Variants in GRM5 observed in about 807,000 individuals in gnomAD.
GRM5 encodes glutamate metabotropic receptor 5.
GRM5 carries 19 observed loss-of-function variants against 83.1 expected under a neutral mutation model. The observed-to-expected ratio is 0.23, with a 90% confidence interval of 0.16 to 0.34. The LOEUF (loss-of-function observed/expected upper bound fraction) is 0.34. GRM5 is among the 10% of genes least tolerant of loss of function. The probability of loss-of-function intolerance (pLI) is 1.00; values close to 1 mark genes in which losing one functional copy is unlikely to be tolerated. For missense variants in GRM5, 1,160 were observed against 1,588.3 expected (o/e 0.73, Z 4.58); for synonymous variants, 675 against 633.6 (o/e 1.07, Z -0.98).
At chr11:88,987,279 C>T (rs1200615103) in intron 2 of GRM5, among the ~76,000 whole-genome samples, 1 of 152,032 alleles carries the variant, frequency 6.6e-6, no homozygotes, top group Non-Finnish European at 1.5e-5. Context: ...GTCACTCCCA[C>T]CCAAATACTG....
chr11:88,678,387 T>C lies in GRM5; in HGVS notation c.912-24984A>G, dbSNP rs141869476. On this transcript the variant is annotated intron_variant, in intron 3 of 9. Coordinates refer to ENST00000305447, the MANE Select transcript of GRM5 (RefSeq NM_001143831.3). Reference sequence around the variant, plus strand: ...TTGCATTTTCAACTGCTCTAGTCCATCTTGAACTTCACCTTATTTGTCCAT... The same window carrying C: ...TTGCATTTTCAACTGCTCTAGTCCACCTTGAACTTCACCTTATTTGTCCAT... Among the ~76,000 whole-genome samples the C allele has an allele frequency of 8.5e-4, 129 of 152,230 alleles. No homozygotes were observed. In the Middle Eastern group the frequency reaches 0.014, roughly 16 times the overall value.
intron 2 of GRM5, among the ~76,000 whole-genome samples, chr11:88,890,193 G>A (rs1226180893): frequency 1.3e-5 from 2 of 151,936 alleles, no homozygotes; most frequent in Admixed American, 1.3e-4. Flanking sequence ...GCTTTGGGTT[G>A]CCTTACAATG....
At chr11:88,527,985 A>G (rs1486793150) in intron 8 of GRM5, among the ~76,000 whole-genome samples, 1 of 152,052 alleles carries the variant, frequency 6.6e-6, no homozygotes, top group Non-Finnish European at 1.5e-5. Context: ...ACCAGATTCT[A>G]TACTTATTAC....
intron 2 of GRM5, among the ~76,000 whole-genome samples, chr11:88,907,114 A>G (rs1279653937): frequency 6.6e-6 from 1 of 152,118 alleles, no homozygotes; most frequent in Non-Finnish European, 1.5e-5. Flanking sequence ...CCTTGGGTAG[A>G]TTATTTGACT....
At chr11:88,956,803 C>CAAAAGAAA (rs1316633319) in intron 2 of GRM5, among the ~76,000 whole-genome samples, 2 of 151,952 alleles carry the variant, frequency 1.3e-5, no homozygotes, top group Admixed American at 6.5e-5. Context: ...GAGACTCCGT[C>CAAAAGAAA]AAAAGAAAAA....
At chr11:88,587,425 T>C (rs879490654) in intron 7 of GRM5, among the ~76,000 whole-genome samples, 12 of 152,048 alleles carry the variant, frequency 7.9e-5, no homozygotes, top group Non-Finnish European at 2.9e-5. Flanking sequence ...AAATGAAAGA[T>C]GGAAAGCAGT....
At chr11:88,724,877 ACTATG>A (rs1211755825) in intron 3 of GRM5, among the ~76,000 whole-genome samples, 1 of 152,102 alleles carries the variant, frequency 6.6e-6, no homozygotes, top group African/African-American at 2.4e-5. Flanking sequence ...TGGCCCAGAT[ACTATG>A]CTTTTGACAA....
chr11:89,051,403 G>A (rs1941758529), intron 1 of GRM5, among the ~76,000 whole-genome samples: 4 of 152,004 alleles, frequency 2.6e-5, no homozygotes, highest in Admixed American at 2.6e-4. Flanking sequence ...GATGTTGCAG[G>A]CTCTTATAAA....
intron 4 of GRM5, among the ~76,000 whole-genome samples, chr11:88,634,886 C>A (rs1056629623): frequency 6.6e-6 from 1 of 152,138 alleles, no homozygotes; most frequent in Non-Finnish European, 1.5e-5. Flanking sequence ...ACCATGACAT[C>A]ACTAGGCAAC....
intron 2 of GRM5, among the ~76,000 whole-genome samples, chr11:88,963,329 C>G (rs1448009756): frequency 1.3e-5 from 2 of 152,188 alleles, no homozygotes; most frequent in Non-Finnish European, 2.9e-5. Flanking sequence ...GAATTAAAAG[C>G]TAGGCAAAAT....
chr11:88,974,322 T>C (rs1939258760), intron 2 of GRM5, among the ~76,000 whole-genome samples: 3 of 151,792 alleles, frequency 2.0e-5, no homozygotes, highest in African/African-American at 7.3e-5. Context: ...AGAAAAAGAT[T>C]GAAAAACATC....
intron 2 of GRM5, among the ~76,000 whole-genome samples, chr11:89,009,805 G>T (rs1235367875): frequency 6.8e-6 from 1 of 147,964 alleles, no homozygotes; most frequent in Non-Finnish European, 1.5e-5. Context: ...GGAGGCTGAG[G>T]CAGGAGAATG....
intron 2 of GRM5, among the ~76,000 whole-genome samples, chr11:89,015,213 T>C (rs1422442656): frequency 6.6e-6 from 1 of 152,198 alleles, no homozygotes; most frequent in East Asian, 1.9e-4. Context: ...ATAAGCCTAT[T>C]TCAAAGGATT....
At chr11:88,526,193 G>T (rs548863472) in intron 8 of GRM5, among the ~76,000 whole-genome samples, 6 of 152,116 alleles carry the variant, frequency 3.9e-5, no homozygotes, top group Admixed American at 3.9e-4. Context: ...AGTTCACCGC[G>T]CTTTGAAGAT....
At chr11:88,775,065 G>T (rs1942818714) in intron 3 of GRM5, among the ~76,000 whole-genome samples, 1 of 152,098 alleles carries the variant, frequency 6.6e-6, no homozygotes, top group Non-Finnish European at 1.5e-5. Flanking sequence ...GAATCCTTCT[G>T]GTCCTGGACT....
At chr11:88,613,724 G>T (rs1485750161) in intron 4 of GRM5, among the ~76,000 whole-genome samples, 1 of 152,074 alleles carries the variant, frequency 6.6e-6, no homozygotes, top group African/African-American at 2.4e-5. Flanking sequence ...TCCTGTTATT[G>T]TGCTATTAGC....
chr11:88,795,749 G>A (rs1323291989), intron 3 of GRM5, among the ~76,000 whole-genome samples: 5 of 152,134 alleles, frequency 3.3e-5, no homozygotes, highest in African/African-American at 1.2e-4. Context: ...CAGCTGAACT[G>A]AGTCCCAGAA....
chr11:88,548,142 G>C (rs560721162), intron 8 of GRM5, among the ~76,000 whole-genome samples: 2 of 152,256 alleles, frequency 1.3e-5, no homozygotes, highest in African/African-American at 4.8e-5. Flanking sequence ...TGTTACCAAA[G>C]GAATGCTGCT....
intron 3 of GRM5, among the ~76,000 whole-genome samples, chr11:88,750,188 G>C (rs1159522257): frequency 1.3e-5 from 2 of 152,094 alleles, no homozygotes; most frequent in African/African-American, 4.8e-5. Flanking sequence ...GTCTTTAAGA[G>C]ACCCATCTCA....
Sources: allele counts gnomAD v4.1 joint callset (sites outside exome capture counted in the v4.1 genomes callset), GRCh38; gene constraint gnomAD v4.1.1; transcripts MANE v1.5; gene names NCBI Gene and HGNC (gene_info 2026-07-23, HGNC 2026-07-21).